Variants in PRIM2 observed in about 807,000 individuals in gnomAD.
PRIM2 encodes the protein DNA primase subunit 2, also known as DNA primase large subunit.
In PRIM2, 39 loss-of-function variants were observed where a neutral mutation model predicts 67.3. The ratio of observed to expected loss-of-function variants is 0.58; its 90% CI spans 0.45 to 0.76. The LOEUF is 0.76. Among genes scored for constraint, PRIM2 ranks in the 30% least tolerant of loss-of-function variants. The pLI is 0.00. For missense variants in PRIM2, 398 were observed against 598.7 expected (o/e 0.66, Z 3.50); for synonymous variants, 143 against 198.7 (o/e 0.72, Z 2.36).
chr6:57,497,668 A>G (rs1774035288), intron 7 of PRIM2: 1 of 152,240 alleles, frequency 6.6e-6, no homozygotes, highest in Admixed American at 6.5e-5. Flanking sequence ...GTTGCTTTTT[A>G]GAGCTTACAT....
At chr6:57,573,411 A>G (rs1344767163) in intron 10 of PRIM2, among the ~76,000 whole-genome samples, 6 of 151,916 alleles carry the variant, frequency 3.9e-5, no homozygotes, top group African/African-American at 1.5e-4. Context: ...AGTCATCCTC[A>G]GCTTTTTTTT....
At chr6:57,520,592 G>A (rs1347386322) in intron 8 of PRIM2, among the ~76,000 whole-genome samples, 8 of 152,102 alleles carry the variant, frequency 5.3e-5, no homozygotes, top group Non-Finnish European at 1.0e-4. Flanking sequence ...ATGTAAAGCT[G>A]TAGTTTGAAT....
intron 7 of PRIM2, among the ~76,000 whole-genome samples, chr6:57,441,053 G>A (rs1772188861): frequency 6.6e-6 from 1 of 152,176 alleles, no homozygotes; most frequent in Non-Finnish European, 1.5e-5. Flanking sequence ...GCTTGCTGAA[G>A]TCAAATGCAT....
At chr6:57,439,476 C>G (rs1222696805) in intron 7 of PRIM2, among the ~76,000 whole-genome samples, 10 of 136,036 alleles carry the variant, frequency 7.4e-5, no homozygotes, top group African/African-American at 2.5e-4. Flanking sequence ...AGTGTAGTGG[C>G]ACCATCACGG....
upstream of PRIM2, among the ~76,000 whole-genome samples, chr6:57,311,019 G>A (rs1194834247): frequency 1.4e-5 from 2 of 143,682 alleles, no homozygotes; most frequent in African/African-American, 2.6e-5. Context: ...TAGTCTAGGC[G>A]GCCGGGCAGA....
chr6:57,461,395 A>G (rs1481468067), intron 7 of PRIM2, among the ~76,000 whole-genome samples: 2 of 152,200 alleles, frequency 1.3e-5, no homozygotes, highest in Non-Finnish European at 2.9e-5. Flanking sequence ...TGCAATTAGT[A>G]CTAAATCATC....
At chr6:57,617,019 CT>C (rs1776768409) in intron 12 of PRIM2, among the ~76,000 whole-genome samples, 1 of 152,184 alleles carries the variant, frequency 6.6e-6, no homozygotes. Context: ...TTGATGGACA[CT>C]GGGTTGTTTC....
At chr6:57,516,567 CTCTT>C (rs1483987170) in intron 8 of PRIM2, among the ~76,000 whole-genome samples, 2 of 152,064 alleles carry the variant, frequency 1.3e-5, no homozygotes, top group African/African-American at 2.4e-5. Context: ...AGATAGAAAA[CTCTT>C]TCCTGTCTTA....
the PRIM2 span, among the ~76,000 whole-genome samples, chr6:57,270,057 G>T: frequency 6.6e-6 from 1 of 152,094 alleles, no homozygotes; most frequent in Non-Finnish European, 1.5e-5. Flanking sequence ...TTTGAAGTCA[G>T]GTAGCATGAT....
chr6:57,431,781 G>T (rs1771839486), intron 7 of PRIM2, among the ~76,000 whole-genome samples: 1 of 152,144 alleles, frequency 6.6e-6, no homozygotes, highest in African/African-American at 2.4e-5. Flanking sequence ...TGTGGCCTAG[G>T]TCTAGTTTTG....
intron 2 of PRIM2, 100 bp downstream of exon 2, chr6:57,318,699 A>G (rs1767556760): frequency 2.1e-6 from 2 of 951,352 alleles, no homozygotes; most frequent in East Asian, 2.6e-5. Flanking sequence ...TCAGCAATCC[A>G]TTCAACAAGT....
chr6:57,234,585 G>A, the PRIM2 span, among the ~76,000 whole-genome samples: 44 of 151,924 alleles, frequency 2.9e-4, no homozygotes, highest in African/African-American at 5.8e-4. Context: ...GTGCAGTGGC[G>A]CAATCTTGGC....
chr6:57,587,386 C>T (rs1235885337), intron 10 of PRIM2, among the ~76,000 whole-genome samples: 10 of 152,000 alleles, frequency 6.6e-5, no homozygotes, highest in East Asian at 1.9e-4. Flanking sequence ...AGAACACAGC[C>T]GAGAGCGGTG....
intron 5 of PRIM2, among the ~76,000 whole-genome samples, chr6:57,338,623 A>G (rs1370203053): frequency 1.3e-5 from 2 of 151,124 alleles, no homozygotes; most frequent in African/African-American, 4.9e-5. Flanking sequence ...ATCTCAATAG[A>G]TGCAGAAAAG....
At chr6:57,628,830 T>C (rs1776998361) in intron 12 of PRIM2, among the ~76,000 whole-genome samples, 1 of 152,214 alleles carries the variant, frequency 6.6e-6, no homozygotes, top group African/African-American at 2.4e-5. Flanking sequence ...GTTCTTTTTT[T>C]GTGGCTGCAT....
intron 5 of PRIM2, among the ~76,000 whole-genome samples, chr6:57,356,931 CTTTTTT>C (rs761605036): frequency 3.3e-5 from 4 of 120,794 alleles, no homozygotes; most frequent in African/African-American, 6.2e-5. Context: ...CCAATCCATT[CTTTTTT>C]TTTTTTTTTT....
chr6:57,539,651 TGTGTG>T (rs1775099631), intron 10 of PRIM2, among the ~76,000 whole-genome samples: 3 of 51,058 alleles, frequency 5.9e-5, no homozygotes, highest in African/African-American at 3.1e-4. Context: ...TGTGTGTGTG[TGTGTG>T]TATATATATA....
chr6:57,622,791 A>G (rs1392992089), intron 12 of PRIM2, among the ~76,000 whole-genome samples: 8 of 152,176 alleles, frequency 5.3e-5, no homozygotes, highest in African/African-American at 1.9e-4. Flanking sequence ...TTCACAGTCA[A>G]AAATTCTCAA....
At chr6:57,471,882 A>G (rs1773344302) in intron 7 of PRIM2, among the ~76,000 whole-genome samples, 1 of 152,222 alleles carries the variant, frequency 6.6e-6, no homozygotes, top group Non-Finnish European at 1.5e-5. Flanking sequence ...TTCATTCAAG[A>G]TAGGAGAAAA....
Sources: allele counts gnomAD v4.1 joint callset (sites outside exome capture counted in the v4.1 genomes callset), GRCh38; gene constraint gnomAD v4.1.1; transcripts MANE v1.5; gene names NCBI Gene and HGNC (gene_info 2026-07-23, HGNC 2026-07-21).